TENM3: variants seen among roughly 807,000 people sequenced by gnomAD.
TENM3 encodes the protein teneurin transmembrane protein 3, also known as teneurin-3.
A neutral mutation model predicts 255.1 loss-of-function variants in TENM3; 63 were observed. That is an observed-to-expected ratio of 0.25 (90% CI 0.20 to 0.30). The LOEUF (loss-of-function observed/expected upper bound fraction) is 0.30. Among genes scored for constraint, TENM3 ranks in the 10% least tolerant of loss-of-function variants. The probability of loss-of-function intolerance (pLI) is 1.00; values close to 1 mark genes in which losing one functional copy is unlikely to be tolerated. For missense variants in TENM3, 2,929 were observed against 3,461.1 expected, an observed-to-expected ratio of 0.85 and a Z score of 3.86; for synonymous variants, 1,306 against 1,322.3, an observed-to-expected ratio of 0.99 and a Z score of 0.27.
intron 3 of TENM3, among the ~76,000 whole-genome samples, chr4:182,592,157 A>T (rs2152390554): frequency 6.7e-6 from 1 of 148,766 alleles, no homozygotes; most frequent in Non-Finnish European, 1.5e-5. Flanking sequence ...CATCTGCAAC[A>T]GATTTATTTT....
At chr4:182,595,013 G>T (rs920777846) in intron 3 of TENM3, among the ~76,000 whole-genome samples, 1 of 152,126 alleles carries the variant, frequency 6.6e-6, no homozygotes, top group African/African-American at 2.4e-5. Flanking sequence ...AGTGCACCCA[G>T]TCTCTTCCCT....
At chr4:182,091,191 A>C in the TENM3 span, among the ~76,000 whole-genome samples, 10 of 152,238 alleles carry the variant, frequency 6.6e-5, no homozygotes, top group Admixed American at 6.5e-4. Context: ...CAACAGGCTG[A>C]TGTGTACTTA....
the TENM3 span, among the ~76,000 whole-genome samples, chr4:181,683,672 C>A: frequency 6.6e-6 from 1 of 152,140 alleles, no homozygotes; most frequent in Non-Finnish European, 1.5e-5. Flanking sequence ...GTTACTCGTG[C>A]AAGGCGATGG....
chr4:181,904,188 C>A, the TENM3 span, among the ~76,000 whole-genome samples: 1 of 152,084 alleles, frequency 6.6e-6, no homozygotes, highest in East Asian at 1.9e-4. Flanking sequence ...GTTTCACATC[C>A]TCCACCGCCA....
chr4:182,216,085 A>T (rs1408475341), intron 1 of TENM3, among the ~76,000 whole-genome samples: 1 of 152,228 alleles, frequency 6.6e-6, no homozygotes, highest in Non-Finnish European at 1.5e-5. Context: ...TCCAAAGGCC[A>T]GTGAATAATC....
At chr4:181,522,188 A>C in the TENM3 span, among the ~76,000 whole-genome samples, 1 of 151,704 alleles carries the variant, frequency 6.6e-6, no homozygotes, top group Admixed American at 6.6e-5. Flanking sequence ...TATAGAGCAG[A>C]TACATCATTA....
At chr4:181,941,946 A>G in the TENM3 span, among the ~76,000 whole-genome samples, 1 of 152,150 alleles carries the variant, frequency 6.6e-6, no homozygotes, top group Non-Finnish European at 1.5e-5. Context: ...AATTTCTCGC[A>G]GGAGACGCTT....
intron 1 of TENM3, among the ~76,000 whole-genome samples, chr4:182,271,631 T>C (rs1251468888): frequency 6.6e-6 from 1 of 152,252 alleles, no homozygotes; most frequent in Non-Finnish European, 1.5e-5. Context: ...CTATGTGTGA[T>C]GCCTTTGTCT....
the TENM3 span, among the ~76,000 whole-genome samples, chr4:181,880,317 T>A: frequency 2.6e-5 from 4 of 152,324 alleles, no homozygotes; most frequent in South Asian, 2.1e-4. Context: ...ATAGGAAAAT[T>A]GTTTAAATAT....
chr4:181,545,614 G>A, the TENM3 span, among the ~76,000 whole-genome samples: 4 of 152,276 alleles, frequency 2.6e-5, no homozygotes, highest in East Asian at 5.8e-4. Context: ...AGTGTATTAT[G>A]AGACAAGGTC....
the TENM3 span, among the ~76,000 whole-genome samples, chr4:181,452,858 G>A: frequency 5.9e-5 from 9 of 152,202 alleles, no homozygotes; most frequent in African/African-American, 9.6e-5. Context: ...TTGGTGGCAG[G>A]ATTTCGAAGT....
the TENM3 span, among the ~76,000 whole-genome samples, chr4:181,567,559 T>C: frequency 2.0e-5 from 3 of 152,180 alleles, no homozygotes; most frequent in African/African-American, 7.2e-5. Context: ...CCAAAAGTGA[T>C]TTTAAAAAAG....
At chr4:181,511,576 G>A in the TENM3 span, among the ~76,000 whole-genome samples, 9 of 152,186 alleles carry the variant, frequency 5.9e-5, no homozygotes, top group Admixed American at 3.3e-4. Flanking sequence ...AGCCATGTCT[G>A]TACCTTGCTC....
chr4:181,821,340 C>A, the TENM3 span, among the ~76,000 whole-genome samples: 1 of 152,172 alleles, frequency 6.6e-6, no homozygotes, highest in Admixed American at 6.5e-5. Flanking sequence ...ACAATCTCTT[C>A]CCCCTTTGAA....
At chr4:181,538,678 G>A in the TENM3 span, among the ~76,000 whole-genome samples, 5 of 152,184 alleles carry the variant, frequency 3.3e-5, no homozygotes, top group African/African-American at 4.8e-5. Context: ...CACGGAGTAT[G>A]CCTGTAGAAA....
chr4:182,378,379 C>T (rs1767327606), intron 3 of TENM3, among the ~76,000 whole-genome samples: 1 of 152,166 alleles, frequency 6.6e-6, no homozygotes, highest in Non-Finnish European at 1.5e-5. Context: ...TATGTACGCA[C>T]ACTGCATACA....
At chr4:181,660,256 A>C in the TENM3 span, among the ~76,000 whole-genome samples, 5 of 152,160 alleles carry the variant, frequency 3.3e-5, no homozygotes, top group Non-Finnish European at 5.9e-5. Context: ...GCAAACAGTC[A>C]GTCCCTTTGC....
chr4:181,825,975 G>T, the TENM3 span, among the ~76,000 whole-genome samples: 4 of 152,136 alleles, frequency 2.6e-5, no homozygotes, highest in African/African-American at 4.8e-5. Context: ...CCAAAACCTA[G>T]CGCAGGACCA....
the TENM3 span, among the ~76,000 whole-genome samples, chr4:181,456,197 A>ATC: frequency 1.3e-5 from 2 of 150,672 alleles, no homozygotes; most frequent in Non-Finnish European, 3.0e-5. Flanking sequence ...GTATATGTGT[A>ATC]TATATATATG....
Sources: allele counts gnomAD v4.1 joint callset (sites outside exome capture counted in the v4.1 genomes callset), GRCh38; gene constraint gnomAD v4.1.1; transcripts MANE v1.5; gene names NCBI Gene and HGNC (gene_info 2026-07-23, HGNC 2026-07-21).